The following PDGFD variants were observed in gnomAD, a reference collection of about 807,000 sequenced individuals.
The protein encoded by PDGFD is platelet-derived growth factor D.
PDGFD carries 30 observed loss-of-function variants against 44.7 expected under a neutral mutation model. The observed-to-expected ratio is 0.67, with a 90% CI of 0.50 to 0.91. The LOEUF (loss-of-function observed/expected upper bound fraction) is 0.91, where lower values mean the gene tolerates loss of function less well. PDGFD is among the 40% of genes least tolerant of loss of function. PDGFD has a pLI of 0.00. For synonymous variants in PDGFD, 173 were observed against 168.4 expected (o/e 1.03, Z -0.21); for missense variants, 445 against 457.8 (o/e 0.97, Z 0.25).
intron 1 of PDGFD, among the ~76,000 whole-genome samples, chr11:104,107,106 T>C (rs1861482042): frequency 6.6e-6 from 1 of 152,102 alleles, no homozygotes; most frequent in Admixed American, 6.6e-5. Flanking sequence ...GATTAGAATA[T>C]AAAATGTGAC....
At chr11:104,163,780 T>TA (rs753260720) in intron 1 of PDGFD, 24 bp downstream of exon 1, 2 of 1,504,800 alleles carry the variant, frequency 1.3e-6, no homozygotes, top group South Asian at 1.4e-5. Context: ...TTTTTTCAGT[T>TA]AAAAAATAAA....
At chr11:104,079,405 C>T (rs550448402) in intron 1 of PDGFD, among the ~76,000 whole-genome samples, 8 of 152,018 alleles carry the variant, frequency 5.3e-5, no homozygotes, top group South Asian at 2.1e-4. Flanking sequence ...TTTTCTTTTT[C>T]GAGACAGAGT....
intron 1 of PDGFD, among the ~76,000 whole-genome samples, chr11:104,159,153 C>CA (rs765727400): frequency 0.13 from 8,373 of 66,070 alleles, 550 homozygotes; most frequent in East Asian, 0.15. Context: ...GACTCCATCT[C>CA]AAAAAAAAAA....
intron 1 of PDGFD, among the ~76,000 whole-genome samples, chr11:104,085,204 T>C (rs1861112702): frequency 6.6e-6 from 1 of 152,042 alleles, no homozygotes; most frequent in Non-Finnish European, 1.5e-5. Context: ...AGAAACCCCC[T>C]TGTGTTATAT....
chr11:104,087,548 T>C (rs1772079980), intron 1 of PDGFD, among the ~76,000 whole-genome samples: 1 of 152,130 alleles, frequency 6.6e-6, no homozygotes, highest in Non-Finnish European at 1.5e-5. Context: ...TCAGTATATC[T>C]GACATGTCTA....
intron 1 of PDGFD, among the ~76,000 whole-genome samples, chr11:104,138,817 AGAGGCAT>A (rs1450096715): frequency 1.3e-5 from 2 of 152,110 alleles, no homozygotes; most frequent in African/African-American, 4.8e-5. Context: ...GCTGGAGTGC[AGAGGCAT>A]GATCTTGGTT....
chr11:104,139,481 C>A (rs1267343195), intron 1 of PDGFD, among the ~76,000 whole-genome samples: 2 of 152,182 alleles, frequency 1.3e-5, no homozygotes, highest in African/African-American at 4.8e-5. Flanking sequence ...TGGATCCAAA[C>A]TGAACTAGAA....
chr11:104,102,260 G>T (rs1419321723), intron 1 of PDGFD, among the ~76,000 whole-genome samples: 1 of 152,134 alleles, frequency 6.6e-6, no homozygotes. Flanking sequence ...ATCAAAAAGT[G>T]GGCAAAGGAT....
intron 1 of PDGFD, among the ~76,000 whole-genome samples, chr11:104,027,181 T>C (rs1394572993): frequency 6.6e-6 from 1 of 152,222 alleles, no homozygotes; most frequent in South Asian, 2.1e-4. Flanking sequence ...CCTTTGAAAG[T>C]TACTCCCTGG....
chr11:104,037,887 C>A, intron 1 of PDGFD: 1 of 1,614,190 alleles, frequency 6.2e-7, no homozygotes, highest in Non-Finnish European at 8.5e-7. Flanking sequence ...GCACCACTGG[C>A]ACGCAGACTT....
intron 2 of PDGFD, 73 bp from the exon 3 acceptor site, chr11:103,996,318 T>C: frequency 7.9e-7 from 1 of 1,261,626 alleles, no homozygotes; most frequent in Non-Finnish European, 1.1e-6. Flanking sequence ...CACTGAGAAA[T>C]TAAAACTAGC....
In PDGFD at chr11:104,030,773, T is replaced by C. The variant is rs78749684; in HGVS notation, c.125-30518A>G. On this transcript the variant is annotated intron_variant, in intron 1 of 6. Transcript: ENST00000393158. Reference sequence around the variant, plus strand: ...GATAGCTCTTTGGAACCCAGACAGGTACACTATAATCATGGTTAAATTTAC... The same window carrying C: ...GATAGCTCTTTGGAACCCAGACAGGCACACTATAATCATGGTTAAATTTAC... Among the ~76,000 whole-genome samples the C allele has an allele frequency of 2.9e-3, 445 of 152,190 alleles. 2 individuals are homozygous for C. The highest frequency in any genetic ancestry group is 0.01 in the African/African-American group (430 of 41,506).
chr11:103,919,077 C>T (rs576076660), intron 6 of PDGFD, among the ~76,000 whole-genome samples: 1 of 152,258 alleles, frequency 6.6e-6, no homozygotes, highest in East Asian at 1.9e-4. Context: ...TTCTTAACAC[C>T]TATGGGTGCA....
intron 1 of PDGFD, among the ~76,000 whole-genome samples, chr11:104,105,912 T>C (rs1206868764): frequency 1.3e-5 from 2 of 152,126 alleles, no homozygotes; most frequent in Non-Finnish European, 2.9e-5. Flanking sequence ...ATTAGTATTA[T>C]CATGAATTAT....
At position 103,973,057 on chromosome 11, in the gene PDGFD, G is replaced by C. The variant is rs115179865; in HGVS notation, c.510+23008C>G. 8.1e-3 allele frequency among the ~76,000 whole-genome samples: 1,226 copies of C among 151,926 alleles called. 22 individuals carry two copies. The highest frequency in any genetic ancestry group is 0.028 in the African/African-American group (1,170 of 41,420). ...TTGCTCTTGTGGAATTTTAGGGGTA[G>C]ACTAACATGTAAACAAGTGAGTGTC... On this transcript the variant is annotated intron_variant, in intron 3 of 6. Coordinates refer to ENST00000393158, the MANE Select transcript of PDGFD (RefSeq NM_025208.5).
intron 1 of PDGFD, among the ~76,000 whole-genome samples, chr11:104,050,270 C>T (rs1002481030): frequency 3.3e-5 from 5 of 151,916 alleles, no homozygotes; most frequent in African/African-American, 7.3e-5. Flanking sequence ...GCAAGACTGA[C>T]GGTGTGAAGA....
At chr11:104,163,736 A>G in intron 1 of PDGFD, 68 bp downstream of exon 1, 1 of 1,446,088 alleles carries the variant, frequency 6.9e-7, no homozygotes, top group Non-Finnish European at 9.2e-7. Flanking sequence ...GGGGAAAAAC[A>G]TAGAAAGAAC....
intron 6 of PDGFD, among the ~76,000 whole-genome samples, chr11:103,925,679 GTA>G (rs367755559): frequency 0.44 from 52,921 of 119,296 alleles, 11,497 homozygotes; most frequent in East Asian, 0.65. Flanking sequence ...GTGTGTCTGT[GTA>G]TATATATATA....
intron 1 of PDGFD, among the ~76,000 whole-genome samples, chr11:104,113,094 G>T (rs1861584358): frequency 6.6e-6 from 1 of 152,124 alleles, no homozygotes; most frequent in Non-Finnish European, 1.5e-5. Flanking sequence ...ACATTGGGCT[G>T]GCATTGATAT....
Sources: allele counts gnomAD v4.1 joint callset (sites outside exome capture counted in the v4.1 genomes callset), GRCh38; gene constraint gnomAD v4.1.1; transcripts MANE v1.5; gene names NCBI Gene and HGNC (gene_info 2026-07-23, HGNC 2026-07-21).